CLIP4: variants seen among roughly 807,000 people sequenced by gnomAD.
The protein encoded by CLIP4 is CAP-Gly domain containing linker protein family member 4, also known as CAP-Gly domain-containing linker protein 4.
Under a neutral mutation model 73.1 loss-of-function variants are expected in CLIP4, and 47 were observed. The ratio of observed to expected loss-of-function variants is 0.64; its 90% confidence interval spans 0.51 to 0.82. The LOEUF (loss-of-function observed/expected upper bound fraction) is 0.82. CLIP4 is among the 40% of genes least tolerant of loss of function. The pLI, the probability that CLIP4 is intolerant of heterozygous loss-of-function variation, is 0.00. For synonymous variants in CLIP4, 306 were observed against 295.4 expected (o/e 1.04, Z -0.37); for missense variants, 874 against 852.9 (o/e 1.02, Z -0.31).
intron 15 of CLIP4, 114 bp downstream of exon 15, chr2:29,174,559 C>A: frequency 2.8e-6 from 4 of 1,451,112 alleles, no homozygotes; most frequent in Admixed American, 2.8e-5. Context: ...AGTTTTAACA[C>A]GTAGGAGAAA....
At chr2:29,102,916 T>C (rs1480243543) in intron 1 of CLIP4, among the ~76,000 whole-genome samples, 2 of 151,962 alleles carry the variant, frequency 1.3e-5, no homozygotes, top group African/African-American at 2.4e-5. Flanking sequence ...CTGCGCCCAG[T>C]ACACCACTTC....
intron 14 of CLIP4, among the ~76,000 whole-genome samples, chr2:29,169,208 C>T (rs185697958): frequency 6.6e-6 from 1 of 152,160 alleles, no homozygotes; most frequent in Non-Finnish European, 1.5e-5. Flanking sequence ...TATTTTCTCA[C>T]AATTTCGGAG....
At chr2:29,118,184 A>G (rs1663999748) in intron 1 of CLIP4, 1 of 152,226 alleles carries the variant, frequency 6.6e-6, no homozygotes. Flanking sequence ...CTATTAGTTG[A>G]ATAACTCAAG....
chr2:29,178,666 A>G (rs1668481654), intron 15 of CLIP4, among the ~76,000 whole-genome samples: 1 of 152,260 alleles, frequency 6.6e-6, no homozygotes, highest in African/African-American at 2.4e-5. Context: ...AATAAATGAA[A>G]AAAATCAGAA....
At chr2:29,179,117 A>G (rs1484385056) in intron 15 of CLIP4, among the ~76,000 whole-genome samples, 1 of 152,166 alleles carries the variant, frequency 6.6e-6, no homozygotes, top group African/African-American at 2.4e-5. Flanking sequence ...TTTATGCATT[A>G]AAGGTCTTTA....
At chr2:29,119,366 G>A (rs1664097170) in intron 1 of CLIP4, among the ~76,000 whole-genome samples, 1 of 152,274 alleles carries the variant, frequency 6.6e-6, no homozygotes, top group African/African-American at 2.4e-5. Flanking sequence ...ACAAGGAAAT[G>A]AAAGGTGCTC....
intron 6 of CLIP4, 97 bp from the exon 7 acceptor site, chr2:29,143,612 A>C: frequency 2.5e-6 from 2 of 800,658 alleles, no homozygotes; most frequent in South Asian, 3.3e-5. Flanking sequence ...ACAAATGATG[A>C]ATGAATTTAA....
chr2:29,105,726 G>A (rs1342857281), intron 1 of CLIP4, among the ~76,000 whole-genome samples: 4 of 152,174 alleles, frequency 2.6e-5, no homozygotes, highest in Non-Finnish European at 5.9e-5. Flanking sequence ...TGAGGCCTTT[G>A]GAATTAACTG....
chr2:29,171,921 GTTA>G (rs1668031318), intron 14 of CLIP4, among the ~76,000 whole-genome samples: 1 of 149,534 alleles, frequency 6.7e-6, no homozygotes, highest in Admixed American at 6.7e-5. Flanking sequence ...TGATATTTTT[GTTA>G]TTTTATTTGT....
intron 6 of CLIP4, among the ~76,000 whole-genome samples, chr2:29,136,370 C>A (rs903940745): frequency 6.6e-6 from 1 of 152,090 alleles, no homozygotes; most frequent in South Asian, 2.1e-4. Context: ...CCCATTTTCC[C>A]TACTTCTTTG....
chr2:29,151,891 A>AC (rs1438246916), intron 8 of CLIP4, among the ~76,000 whole-genome samples: 2 of 151,984 alleles, frequency 1.3e-5, no homozygotes, highest in Non-Finnish European at 2.9e-5. Flanking sequence ...TGTATGGATA[A>AC]ACTCCTTTTT....
At position 29,145,364 on chromosome 2, in the gene CLIP4, T is replaced by A; in HGVS notation, c.1018T>A (p.Tyr340Asn). The A allele has an allele frequency of 6.2e-7, 1 of 1,604,888 alleles. No individual in the cohort carries two copies. The change falls in exon 8 of 16, where the codon TAT (tyrosine) becomes AAT (asparagine). Residue 340 changes from tyrosine (Y) to asparagine (N), a missense_variant. Physicochemically the swap from Tyr to Asn is moderately radical, Grantham distance 143. Coordinates refer to ENST00000320081, the MANE Select transcript of CLIP4 (RefSeq NM_024692.6). Reference sequence around the variant, plus strand: ...CCAGTACTTTAAATGTGCCCCCAAGTATGGTAAGGTTGATATTATTTAACT... The same window carrying A: ...CCAGTACTTTAAATGTGCCCCCAAGAATGGTAAGGTTGATATTATTTAACT... The part of the protein sequence containing the change: ...KVQYFKCAPK[Y>N]GIFAPLSKIS...
chr2:29,132,283 C>T, intron 4 of CLIP4, 38 bp downstream of exon 4: 5 of 1,484,596 alleles, frequency 3.4e-6, no homozygotes, highest in Non-Finnish European at 3.8e-6. Flanking sequence ...CTTATGTCAT[C>T]TGCACTTGTG....
intron 8 of CLIP4, among the ~76,000 whole-genome samples, chr2:29,150,643 C>CTTTTTT (rs34553625): frequency 7.5e-5 from 6 of 80,232 alleles, no homozygotes; most frequent in African/African-American, 1.3e-4. Flanking sequence ...TTGATTTGCT[C>CTTTTTT]TTTTTTTTTT....
chr2:29,165,148 A>G (rs902954486), intron 13 of CLIP4, among the ~76,000 whole-genome samples: 11 of 152,296 alleles, frequency 7.2e-5, no homozygotes, highest in Admixed American at 3.9e-4. Flanking sequence ...TAAGTGATTT[A>G]GCTAAAGTCA....
chr2:29,182,730 A>G lies in CLIP4; in HGVS notation c.*837A>G, dbSNP rs886952338. ...CAAGTAATAATTAGATTTTTTTTGC[A>G]CAGACTTACTTAACTTCCTTATTGG... is the stretch of plus-strand genomic sequence containing the variant. On this transcript the variant is annotated 3_prime_UTR_variant, in exon 16 of 16. Coordinates refer to ENST00000320081, the MANE Select transcript of CLIP4 (RefSeq NM_024692.6). 2 of 152,606 alleles carry G rather than the reference A, an allele frequency of 1.3e-5. No individual in the cohort carries two copies. The highest frequency in any genetic ancestry group is 1.3e-4 in the Admixed American group (2 of 15,278). The allele number at this position is 152,606 out of a possible 1,614,324, so 9.5% of individuals were successfully genotyped here. A position where few individuals can be genotyped will look rare whatever the true frequency, so the allele number is the denominator to read the frequency against.
At chr2:29,178,369 C>T (rs1984427) in intron 15 of CLIP4, among the ~76,000 whole-genome samples, 7,226 of 151,918 alleles carry the variant, frequency 0.048, 259 homozygotes, top group South Asian at 0.16. Flanking sequence ...TTAGTAGAAA[C>T]GGGGTTTCAC....
chr2:29,122,204 T>G (rs890220263), intron 2 of CLIP4, among the ~76,000 whole-genome samples: 2 of 151,634 alleles, frequency 1.3e-5, no homozygotes, highest in African/African-American at 4.8e-5. Context: ...TTTAGTCATA[T>G]TCGTTGTAGT....
At chr2:29,140,620 GTATTTC>G (rs1435328625) in intron 6 of CLIP4, among the ~76,000 whole-genome samples, 1 of 152,126 alleles carries the variant, frequency 6.6e-6, no homozygotes, top group Non-Finnish European at 1.5e-5. Flanking sequence ...GGGTCAAATG[GTATTTC>G]TAGTTCTAGA....
Sources: gnomAD v4.1 joint callset for allele counts (sites outside exome capture counted in the v4.1 genomes callset) on GRCh38, gnomAD v4.1.1 for gene constraint, MANE v1.5 for transcripts, NCBI Gene and HGNC (gene_info 2026-07-23, HGNC 2026-07-21) for gene names.